ALKBH6: variants seen among roughly 807,000 people sequenced by gnomAD.
ALKBH6 encodes the protein probable RNA/DNA demethylase ALKBH6.
In ALKBH6, 20 loss-of-function variants were observed where a neutral mutation model predicts 25.1. That is an observed-to-expected ratio of 0.80 (90% CI 0.56 to 1.16). The LOEUF is 1.16. Ranked by LOEUF, ALKBH6 falls within the 50% of genes most tolerant of loss-of-function variation. ALKBH6 has a pLI of 0.00. For synonymous variants in ALKBH6, 156 were observed against 147.5 expected, an observed-to-expected ratio of 1.06 and a Z score of -0.42; for missense variants, 263 against 326.5, an observed-to-expected ratio of 0.81 and a Z score of 1.50.
In ALKBH6 at chr19:36,013,854, G is replaced by A; in HGVS notation, c.-26+321C>T. Reference sequence around the variant, plus strand: ...CACTCAGCGACCCCCGCCCCCCACCGAATCCCATTCTGTGCACTCCTGTGA... The same window carrying A: ...CACTCAGCGACCCCCGCCCCCCACCAAATCCCATTCTGTGCACTCCTGTGA... On this transcript the variant is annotated intron_variant, in intron 1 of 6. Coordinates refer to ENST00000378875, the MANE Select transcript of ALKBH6 (RefSeq NM_032878.5). The surrounding 1 kb of genome is among the most constrained non-coding windows in gnomAD (Gnocchi z 4.6). 8.4e-7 allele frequency: 1 copy of A among 1,184,434 alleles called. No homozygotes were observed. The highest frequency in any genetic ancestry group is 1.0e-6 in the Non-Finnish European group (1 of 953,956). The allele number at this position is 1,184,434 out of a possible 1,614,324, so 73.4% of individuals were successfully genotyped here.
rs1968684605 is a variant in ALKBH6, at chr19:36,013,604, G to A, written c.-25-182C>T. On this transcript the variant is annotated intron_variant, in intron 1 of 6. Transcript: ENST00000378875. The surrounding 1 kb of genome is among the most constrained non-coding windows in gnomAD (Gnocchi z 4.6). ...CAGAGAGCCCCTACGTTCCATGCCC[G>A]GACACAATGAGCCCCAAGAATAATC... The A allele has an allele frequency of 3.5e-6, 5 of 1,417,140 alleles. No homozygotes were observed. The highest frequency in any genetic ancestry group is 1.4e-5 in the African/African-American group (1 of 69,198). The allele number at this position is 1,417,140 out of a possible 1,614,324, so 87.8% of individuals were successfully genotyped here.
Position 36,009,521 on chromosome 19 carries a change from T to C in ALKBH6, c.486A>G (p.Leu162=). The C allele has an allele frequency of 3.2e-6, 4 of 1,242,902 alleles. No individual in the cohort carries two copies. Among genetic ancestry groups the C allele is most frequent in the Non-Finnish European group, 4.0e-6 (4 of 999,020 alleles). The allele number at this position is 1,242,902 out of a possible 1,614,324, so 77.0% of individuals were successfully genotyped here. Residue 162 remains leucine, a synonymous_variant, in exon 7 of 7, where the codon CTA becomes CTG. Transcript: ENST00000378875. ...CCAGCAGGCTGCGCGGTTCCAGCAGTAGCGAGGTGGTGGGCCGGGGCGGAG... is the reference window on the plus strand; with the variant it reads ...CCAGCAGGCTGCGCGGTTCCAGCAGCAGCGAGGTGGTGGGCCGGGGCGGAG... ...PRPPPRPTTS[L]LLEPRSLLVL... is the part of the protein sequence containing the mutation.
chr19:36,013,131 A>T lies in ALKBH6; in HGVS notation c.55-42T>A. 1 of 1,572,762 alleles carries T rather than the reference A, an allele frequency of 6.4e-7. No individual in the cohort carries two copies. ...CCCTGAAGGTGTGGCCCTTCAACCC[A>T]CACAGAGGACATATCATCACAGAGC... is the stretch of plus-strand genomic sequence containing the variant. On this transcript the variant is annotated intron_variant, in intron 2 of 6. Transcript: ENST00000378875. The surrounding 1 kb of genome is among the most constrained non-coding windows in gnomAD (Gnocchi z 4.6).
chr19:36,013,012 T>C lies in ALKBH6; in HGVS notation c.123+9A>G, dbSNP rs1968657553. On this transcript the variant is annotated intron_variant, in intron 3 of 6. Coordinates refer to ENST00000378875, the MANE Select transcript of ALKBH6 (RefSeq NM_032878.5). This position sits in a 1 kb window ranked among gnomAD's most constrained non-coding sequence, Gnocchi z 4.6. ...GTGGGAAAACAGACCAGTAGGGCAC[T>C]GAGGTCACCTGTCGAAGCAAATACT... 1 of 1,611,014 alleles carries C rather than the reference T, an allele frequency of 6.2e-7. No individual in the cohort carries two copies. The highest frequency in any genetic ancestry group is 1.3e-5 in the African/African-American group (1 of 74,936).
intron 4 of ALKBH6, 25 bp from the exon 5 acceptor site, chr19:36,011,070 G>A: frequency 6.3e-7 from 1 of 1,577,470 alleles, no homozygotes; most frequent in Non-Finnish European, 8.6e-7. Context: ...GGGGTCCTGA[G>A]GGCCCCCCTA....
chr19:36,011,785 T>C, intron 3 of ALKBH6: 1 of 227,622 alleles, frequency 4.4e-6, no homozygotes, highest in South Asian at 8.9e-5. Flanking sequence ...ATAGTCTGCA[T>C]TCTAATTTCC....
At position 36,010,810 on chromosome 19, in the gene ALKBH6, G is replaced by A. The variant is rs1401769709; in HGVS notation, c.336+84C>T. 1.3e-6 allele frequency: 2 copies of A among 1,581,374 alleles called. No individual in the cohort carries two copies. Among genetic ancestry groups the A allele is most frequent in the Admixed American group, 1.7e-5 (1 of 59,834 alleles). ...TGTTTGGGAGATGTGGCTGCCTAAT[G>A]AGTGAGGGTGGGTACAGAGTCCCCT... On this transcript the variant is annotated intron_variant, in intron 5 of 6. Transcript: ENST00000378875. This position sits in a 1 kb window ranked among gnomAD's most constrained non-coding sequence, Gnocchi z 5.5.
rs1197085655 is a variant in ALKBH6, at chr19:36,014,162, C to G, written c.-26+13G>C. On this transcript the variant is annotated intron_variant, in intron 1 of 6. Coordinates refer to ENST00000378875, the MANE Select transcript of ALKBH6 (RefSeq NM_032878.5). ...GACATCCATCTCTACCCCCAGCACT[C>G]CCCAAAACTGACCGTCCACCAGCGT... 2 of 1,612,710 alleles carry G rather than the reference C, an allele frequency of 1.2e-6. No individual in the cohort carries two copies. The highest frequency in any genetic ancestry group is 1.7e-5 in the Admixed American group (1 of 59,914).
chr19:36,009,720 G>T (rs1438661285), intron 6 of ALKBH6, among the ~76,000 whole-genome samples, 167 bp from the exon 7 acceptor site: 2 of 152,054 alleles, frequency 1.3e-5, no homozygotes, highest in African/African-American at 2.4e-5. Context: ...AATTGCTGGG[G>T]CCTGGGCTGG....
At chr19:36,012,499 G>C (rs1249981695) in intron 3 of ALKBH6, 1 of 154,724 alleles carries the variant, frequency 6.5e-6, no homozygotes, top group Non-Finnish European at 1.4e-5. Context: ...AAAAAAGTCT[G>C]TGTTCTGTAG....
At chr19:36,009,655 A>G (rs1002151520) in intron 6 of ALKBH6, 102 bp from the exon 7 acceptor site, 2 of 829,442 alleles carry the variant, frequency 2.4e-6, no homozygotes, top group Non-Finnish European at 3.2e-6. Flanking sequence ...CAGGGGCAAA[A>G]GCTGAAGAGC....
Position 36,013,359 on chromosome 19 carries a change from C to T in ALKBH6, c.39G>A (p.Pro13=), listed in dbSNP as rs750462253. 7.4e-6 allele frequency: 12 copies of T among 1,613,888 alleles called. No individual in the cohort carries two copies. In the Admixed American group the frequency reaches 1.5e-4, roughly 20 times the overall value. ...TTCTGACAACCTGCTCCACTCTGAACGGTTCCAGGGCTGGGACTCTGGCGT... is the reference window on the plus strand; with the variant it reads ...TTCTGACAACCTGCTCCACTCTGAATGGTTCCAGGGCTGGGACTCTGGCGT... The part of the protein sequence containing the change: ...EQDARVPALE[P]FRVEQAPPVI... The change falls in exon 2 of 7, where the codon CCG becomes CCA. Residue 13 remains proline (P), a synonymous_variant. Coordinates refer to ENST00000378875, the MANE Select transcript of ALKBH6 (RefSeq NM_032878.5). This position sits in a 1 kb window ranked among gnomAD's most constrained non-coding sequence, Gnocchi z 4.6.
Position 36,013,171 on chromosome 19 carries a change from G to A in ALKBH6, c.55-82C>T. The A allele has an allele frequency of 6.8e-7, 1 of 1,473,440 alleles. No homozygotes were observed. The highest frequency in any genetic ancestry group is 9.5e-7 in the Non-Finnish European group (1 of 1,054,516). 91.3% of individuals were successfully genotyped at this position (1,473,440 alleles called of 1,614,324 possible). A position where few individuals can be genotyped will look rare whatever the true frequency, so the allele number is the denominator to read the frequency against. On this transcript the variant is annotated intron_variant, in intron 2 of 6. Coordinates refer to ENST00000378875, the MANE Select transcript of ALKBH6 (RefSeq NM_032878.5). This position sits in a 1 kb window ranked among gnomAD's most constrained non-coding sequence, Gnocchi z 4.6. ...CATCACAGAGCAACCCCTATGCCTG[G>A]AGACAGGCTCAGGATGTCCTCAGAC... is the stretch of plus-strand genomic sequence containing the variant.
At position 36,009,408 on chromosome 19, in the gene ALKBH6, T is replaced by C. The variant is rs942396686; in HGVS notation, c.599A>G (p.Asn200Ser). The C allele has an allele frequency of 1.6e-6, 2 of 1,249,256 alleles. No homozygotes were observed. Among genetic ancestry groups the C allele is most frequent in the East Asian group, 3.2e-5 (1 of 31,722 alleles). The allele number at this position is 1,249,256 out of a possible 1,614,324, so 77.4% of individuals were successfully genotyped here. A position where few individuals can be genotyped will look rare whatever the true frequency, so the allele number is the denominator to read the frequency against. The change falls in exon 7 of 7, where the codon AAT (asparagine) becomes AGT (serine). Residue 200 changes from asparagine (N) to serine (S), a missense_variant. By Grantham distance (46) the Asn-to-Ser change is conservative. Around this residue, in one of 3 missense-constraint regions of ALKBH6, gnomAD observed 148 missense variants for 157.5 expected, o/e 0.94. Transcript: ENST00000378875. Reference protein sequence around the residue: ...DALDAASSPPNAAACPSARPG... With the variant: ...DALDAASSPPSAAACPSARPG... ...CCGCGCCGACGGGCAGGCTGCCGCATTGGGCGGCGAGGAGGCGGCGTCCAG... is the reference window on the plus strand; with the variant it reads ...CCGCGCCGACGGGCAGGCTGCCGCACTGGGCGGCGAGGAGGCGGCGTCCAG...
Position 36,009,487 on chromosome 19 carries a change from C to T in ALKBH6, c.520G>A (p.Gly174Ser). ...TGGAGAAGACGCGTGTAGGCGGGGC[C>T]GCGGAGCACCAGCAGGCTGCGCGGT... ...LEPRSLLVLR[G>S]PAYTRLLHGI... Residue 174 changes from glycine to serine, a missense_variant, in exon 7 of 7, where the codon GGC (glycine) becomes AGC (serine). By Grantham distance (56) the Gly-to-Ser change is moderately conservative (BLOSUM62 0). This residue lies in a region of ALKBH6 where 148 missense variants were observed against 157.5 expected (regional missense o/e 0.94). Coordinates refer to ENST00000378875, the MANE Select transcript of ALKBH6 (RefSeq NM_032878.5). 1 of 1,248,510 alleles carries T rather than the reference C, an allele frequency of 8.0e-7. No individual in the cohort carries two copies. The highest frequency in any genetic ancestry group is 1.5e-5 in the African/African-American group (1 of 64,904). The allele number at this position is 1,248,510 out of a possible 1,614,324, so 77.3% of individuals were successfully genotyped here.
intron 3 of ALKBH6, 43 bp from the exon 4 acceptor site, chr19:36,011,507 C>T: frequency 6.3e-7 from 1 of 1,597,646 alleles, no homozygotes; most frequent in Non-Finnish European, 8.6e-7. Context: ...AGGATCACCC[C>T]TCTATGATCC....
At position 36,014,187 on chromosome 19, in the gene ALKBH6, T is replaced by C. The variant is rs758283773; in HGVS notation, c.-38A>G. 1.2e-6 allele frequency: 2 copies of C among 1,610,558 alleles called. No individual in the cohort carries two copies. Among genetic ancestry groups the C allele is most frequent in the Non-Finnish European group, 1.7e-6 (2 of 1,178,354 alleles). On this transcript the variant is annotated 5_prime_UTR_variant, in exon 1 of 7. Transcript: ENST00000378875. ...CCCCAAAACTGACCGTCCACCAGCG[T>C]CCCCTCCAATTTCCAAATTCAACAT...
At position 36,010,605 on chromosome 19, in the gene ALKBH6, C is replaced by T. The variant is rs1223938774; in HGVS notation, c.415G>A (p.Glu139Lys). Residue 139 changes from glutamate to lysine, a missense_variant, in exon 6 of 7, where the codon GAG (glutamate) becomes AAG (lysine). Physicochemically the swap from Glu to Lys is moderately conservative, Grantham distance 56. This residue lies in a region of ALKBH6 where 148 missense variants were observed against 157.5 expected (regional missense o/e 0.94). Transcript: ENST00000378875. The surrounding 1 kb of genome is among the most constrained non-coding windows in gnomAD (Gnocchi z 5.5). Reference sequence around the variant, plus strand: ...TCATCGTCCTCTGGCCGCCGCGGCTCGTAGAAGTCCAGCACGGTGTGGGAG... The same window carrying T: ...TCATCGTCCTCTGGCCGCCGCGGCTTGTAGAAGTCCAGCACGGTGTGGGAG... ...LGSHTVLDFY[E>K]PRRPEDDDPT... 14 of 1,613,892 alleles carry T rather than the reference C, an allele frequency of 8.7e-6. No individual in the cohort carries two copies. The highest frequency in any genetic ancestry group is 3.3e-5 in the Admixed American group (2 of 59,990).
intron 4 of ALKBH6, 117 bp downstream of exon 4, chr19:36,011,287 C>G: frequency 1.5e-6 from 2 of 1,357,808 alleles, no homozygotes; most frequent in Non-Finnish European, 2.0e-6. Flanking sequence ...ATCCTCCTGG[C>G]TCTTGGGGCC....
Sources: allele counts gnomAD v4.1 joint callset (sites outside exome capture counted in the v4.1 genomes callset), GRCh38; gene constraint gnomAD v4.1.1; regional missense constraint gnomAD v4.1.1; non-coding constraint Gnocchi (gnomAD v3.1); transcripts MANE v1.5; gene names NCBI Gene and HGNC (gene_info 2026-07-23, HGNC 2026-07-21).